The following APBA2 variants were observed in gnomAD, a reference collection of about 807,000 sequenced individuals.
The protein encoded by APBA2 is amyloid beta precursor protein binding family A member 2.
A neutral mutation model predicts 75.0 loss-of-function variants in APBA2; 30 were observed. The ratio of observed to expected loss-of-function variants is 0.40; its 90% CI spans 0.30 to 0.54. The LOEUF (loss-of-function observed/expected upper bound fraction) is 0.54, where lower values mean the gene tolerates loss of function less well. APBA2 is among the 20% of genes least tolerant of loss of function. The probability of loss-of-function intolerance (pLI) is 0.49; values close to 1 mark genes in which losing one functional copy is unlikely to be tolerated. For synonymous variants in APBA2, 444 were observed against 409.6 expected (o/e 1.08, Z -1.01); for missense variants, 801 against 1,016.1 (o/e 0.79, Z 2.88).
At chr15:28,940,237 G>A (rs1407051690) in intron 2 of APBA2, among the ~76,000 whole-genome samples, 2 of 151,958 alleles carry the variant, frequency 1.3e-5, no homozygotes, top group African/African-American at 4.8e-5. Flanking sequence ...GGGAGGCTGG[G>A]CGTGGTGGCT....
At chr15:28,897,295 A>G (rs1286979095) in intron 1 of APBA2, among the ~76,000 whole-genome samples, 1 of 151,958 alleles carries the variant, frequency 6.6e-6, no homozygotes, top group African/African-American at 2.4e-5. Context: ...ACACCATTCC[A>G]CACCCACCAG....
rs547764699 is a variant in APBA2, at chr15:29,114,866, GGT to G, written c.2178+856_2178+857del. Reference sequence around the variant, plus strand: ...TGGGGTGTGTAGGAGTGCGAGTGTGGGTGTGTGCAGGGGTGTGTGGCTGTGGG... The same window carrying G: ...TGGGGTGTGTAGGAGTGCGAGTGTGGGTGTGCAGGGGTGTGTGGCTGTGGG... On this transcript the variant is annotated intron_variant, in intron 14 of 14. Transcript: ENST00000683413. Among the ~76,000 whole-genome samples, 404 of 134,352 alleles carry G rather than the reference GGT, an allele frequency of 3.0e-3. 6 individuals are homozygous for G. In the Admixed American group the frequency reaches 0.03, roughly 10 times the overall value. The allele number at this position is 134,352 out of a possible 152,430, so 88.1% of individuals were successfully genotyped here. A position where few individuals can be genotyped will look rare whatever the true frequency, so the allele number is the denominator to read the frequency against.
intron 2 of APBA2, among the ~76,000 whole-genome samples, chr15:28,947,350 C>T (rs1042056191): frequency 1.3e-5 from 2 of 152,136 alleles, no homozygotes; most frequent in South Asian, 2.1e-4. Flanking sequence ...TGGCCGTCCT[C>T]GTGGGCGTGG....
chr15:28,920,327 G>A (rs73364802), intron 1 of APBA2, among the ~76,000 whole-genome samples: 135 of 152,354 alleles, frequency 8.9e-4, no homozygotes, highest in African/African-American at 3.2e-3. Flanking sequence ...GATGGCACAG[G>A]GATTTGGGGT....
intron 1 of APBA2, among the ~76,000 whole-genome samples, chr15:28,886,875 T>A (rs1236014878): frequency 1.3e-5 from 2 of 152,214 alleles, no homozygotes; most frequent in Non-Finnish European, 2.9e-5. Flanking sequence ...CCCCTCGGCC[T>A]GGCCCCTTCC....
chr15:28,925,655 G>A (rs946186246), intron 2 of APBA2, among the ~76,000 whole-genome samples: 1 of 152,260 alleles, frequency 6.6e-6, no homozygotes. Flanking sequence ...TGCTGTAGTT[G>A]GATGGAATAT....
rs531240033 is a variant in APBA2, at chr15:29,073,215, G to C, written c.952-1706G>C. Reference sequence around the variant, plus strand: ...GGGATAGGGCTGGCAGCCATGCCTCGTGGCATCACCTGACTCCGAGAGAAG... The same window carrying C: ...GGGATAGGGCTGGCAGCCATGCCTCCTGGCATCACCTGACTCCGAGAGAAG... On this transcript the variant is annotated intron_variant, in intron 4 of 14. Transcript: ENST00000683413. 7.2e-4 allele frequency among the ~76,000 whole-genome samples: 110 copies of C among 152,334 alleles called. 2 individuals carry two copies. In the South Asian group the frequency reaches 0.017, roughly 23 times the overall value.
chr15:28,901,671 C>G (rs915887601), intron 1 of APBA2, among the ~76,000 whole-genome samples: 1 of 152,036 alleles, frequency 6.6e-6, no homozygotes, highest in African/African-American at 2.4e-5. Flanking sequence ...CTCCCTGTGC[C>G]GTGGCCACAC....
At chr15:29,055,904 G>A (rs1382028401) in intron 4 of APBA2, among the ~76,000 whole-genome samples, 2 of 152,190 alleles carry the variant, frequency 1.3e-5, no homozygotes, top group Non-Finnish European at 2.9e-5. Flanking sequence ...GCTGTGGGAT[G>A]CATAGGAGCT....
At chr15:28,990,226 G>A (rs1218800953) in intron 2 of APBA2, among the ~76,000 whole-genome samples, 2 of 152,066 alleles carry the variant, frequency 1.3e-5, no homozygotes, top group South Asian at 2.1e-4. Context: ...CCTGGCCAAC[G>A]TGGCGAAACT....
At chr15:29,074,778 T>C (rs1361037066) in intron 4 of APBA2, 143 bp from the exon 5 acceptor site, 1 of 701,548 alleles carries the variant, frequency 1.4e-6, no homozygotes, top group Non-Finnish European at 2.6e-6. Context: ...TAAGTATAAT[T>C]AAATAGACGT....
At chr15:28,893,514 A>C (rs972861911) in intron 1 of APBA2, among the ~76,000 whole-genome samples, 1 of 152,142 alleles carries the variant, frequency 6.6e-6, no homozygotes, top group Non-Finnish European at 1.5e-5. Context: ...TGAGTGGGTC[A>C]CATTAATGGC....
At chr15:29,088,233 G>T (rs932514910) in intron 6 of APBA2, among the ~76,000 whole-genome samples, 1 of 152,188 alleles carries the variant, frequency 6.6e-6, no homozygotes, top group Non-Finnish European at 1.5e-5. Context: ...TTGGTACTTA[G>T]CAGAGCAGAG....
chr15:29,048,316 T>A (rs1167040942), intron 3 of APBA2, among the ~76,000 whole-genome samples: 1 of 152,128 alleles, frequency 6.6e-6, no homozygotes, highest in Non-Finnish European at 1.5e-5. Flanking sequence ...CTACTGCACT[T>A]TAGCCTGGGC....
chr15:29,081,798 T>C (rs137932791), intron 6 of APBA2, among the ~76,000 whole-genome samples: 3 of 152,364 alleles, frequency 2.0e-5, no homozygotes, highest in African/African-American at 7.2e-5. Flanking sequence ...ACCAGCCCCC[T>C]TGGACTGATT....
At chr15:29,102,161 C>CTG (rs2044158010) in intron 10 of APBA2, 1 of 364,302 alleles carries the variant, frequency 2.7e-6, no homozygotes, top group Non-Finnish European at 5.2e-6. Context: ...GAAAGCACAT[C>CTG]TGCACATGAG....
At chr15:28,928,239 C>T (rs1405427960) in intron 2 of APBA2, among the ~76,000 whole-genome samples, 2 of 151,698 alleles carry the variant, frequency 1.3e-5, no homozygotes, top group African/African-American at 4.8e-5. Flanking sequence ...GTGATGGGAA[C>T]TGAGGTAAAC....
chr15:28,975,159 G>A (rs1286738565), intron 2 of APBA2, among the ~76,000 whole-genome samples: 1 of 151,946 alleles, frequency 6.6e-6, no homozygotes, highest in African/African-American at 2.4e-5. Context: ...ACTTCTTTAG[G>A]AAAATATAAT....
chr15:29,015,761 A>G (rs1307023807), intron 3 of APBA2, among the ~76,000 whole-genome samples: 1 of 152,196 alleles, frequency 6.6e-6, no homozygotes, highest in African/African-American at 2.4e-5. Flanking sequence ...ATCATGAGCC[A>G]GGTTTGTGGG....
Sources: allele counts gnomAD v4.1 joint callset (sites outside exome capture counted in the v4.1 genomes callset), GRCh38; gene constraint gnomAD v4.1.1; transcripts MANE v1.5; gene names NCBI Gene and HGNC (gene_info 2026-07-23, HGNC 2026-07-21).